CFHR4: variants seen among roughly 807,000 people sequenced by gnomAD.
CFHR4 encodes complement factor H-related protein 4.
Under a neutral mutation model 69.3 loss-of-function variants are expected in CFHR4, and 64 were observed. The observed-to-expected ratio is 0.92, with a 90% CI of 0.76 to 1.14. The LOEUF is 1.14. Among genes scored for constraint, CFHR4 ranks in the 50% most tolerant of loss-of-function variants. CFHR4 has a pLI of 0.00. For synonymous variants in CFHR4, 244 were observed against 237.0 expected, an observed-to-expected ratio of 1.03 and a Z score of -0.27; for missense variants, 636 against 684.9, an observed-to-expected ratio of 0.93 and a Z score of 0.80.
intron 9 of CFHR4, among the ~76,000 whole-genome samples, chr1:196,915,505 T>C (rs1366314776): frequency 6.6e-6 from 1 of 151,178 alleles, no homozygotes; most frequent in Non-Finnish European, 1.5e-5. Flanking sequence ...CATGCTGGCA[T>C]ATGCCTGTAA....
intron 1 of CFHR4, among the ~76,000 whole-genome samples, chr1:196,895,631 C>T (rs1030015466): frequency 6.6e-6 from 1 of 151,024 alleles, no homozygotes; most frequent in Non-Finnish European, 1.5e-5. Context: ...GCTTTCTATC[C>T]CTTTATTCAT....
intron 1 of CFHR4, among the ~76,000 whole-genome samples, chr1:196,898,472 A>G (rs1295001226): frequency 6.6e-6 from 1 of 151,636 alleles, no homozygotes; most frequent in South Asian, 2.1e-4. Flanking sequence ...TAAAACAATT[A>G]TTGTAAACTA....
Position 196,914,493 on chromosome 1 carries a change from A to T in CFHR4, c.1181-2A>T, listed in dbSNP as rs1331166856. 1.2e-6 allele frequency: 2 copies of T among 1,604,848 alleles called. No homozygotes were observed. Among genetic ancestry groups the T allele is most frequent in the Admixed American group, 1.7e-5 (1 of 58,808 alleles). On this transcript the variant is annotated splice_acceptor_variant, in intron 7 of 9. Transcript: ENST00000608469. LOFTEE classifies it high-confidence loss of function. The stretch of plus-strand genomic sequence containing the variant: ...GCAATCCTCAATTTTATTTTGTTTC[A>T]GAATTTTGTGATATGCCTGTTTTTG...
At chr1:196,902,643 T>C (rs1657689821) in intron 2 of CFHR4, 28 bp downstream of exon 2, 1 of 1,498,238 alleles carries the variant, frequency 6.7e-7, no homozygotes, top group Non-Finnish European at 9.3e-7. Flanking sequence ...CAAGAATATG[T>C]GCATAAAACT....
rs1033017094 is a variant in CFHR4 at position 196,902,611 on chromosome 1, C to T, written c.252C>T (p.Cys84=). 16 of 1,605,074 alleles carry T rather than the reference C, an allele frequency of 1.0e-5. No homozygotes were observed. Among genetic ancestry groups the T allele is most frequent in the Non-Finnish European group, 1.4e-5 (16 of 1,173,284 alleles). The part of the protein sequence containing the change: ...TQDGWSPTVP[C]LRTCSKSDVE... Reference sequence around the variant, plus strand: ...ATGGTTGGTCACCAACGGTCCCATGCCTCAGTAAGTAAACCTCTTTACAAG... The same window carrying T: ...ATGGTTGGTCACCAACGGTCCCATGTCTCAGTAAGTAAACCTCTTTACAAG... Residue 84 remains cysteine, a synonymous_variant, in exon 2 of 10, where the codon TGC becomes TGT. Transcript: ENST00000608469.
At chr1:196,913,871 C>T (rs1180819749) in intron 7 of CFHR4, among the ~76,000 whole-genome samples, 1 of 151,298 alleles carries the variant, frequency 6.6e-6, no homozygotes, top group Admixed American at 6.6e-5. Flanking sequence ...TCAATGTTAC[C>T]ATGAGTTTTG....
chr1:196,907,205 G>C, intron 4 of CFHR4, 111 bp from the exon 5 acceptor site: 1 of 1,217,046 alleles, frequency 8.2e-7, no homozygotes, highest in Non-Finnish European at 1.2e-6. Flanking sequence ...AAATACAAAT[G>C]TCTTCCTAAG....
intron 9 of CFHR4, among the ~76,000 whole-genome samples, chr1:196,916,288 A>C (rs1354492188): frequency 6.6e-6 from 1 of 151,722 alleles, no homozygotes; most frequent in Non-Finnish European, 1.5e-5. Context: ...TATGAGGTAG[A>C]GCCCTGGGAT....
chr1:196,905,045 T>C (rs765887268), intron 2 of CFHR4, 63 bp from the exon 3 acceptor site: 1 of 1,376,894 alleles, frequency 7.3e-7, no homozygotes, highest in Non-Finnish European at 9.9e-7. Context: ...TTTTTACTTG[T>C]TCCCTTCTAT....
intron 1 of CFHR4, among the ~76,000 whole-genome samples, chr1:196,894,662 G>A (rs1413343111): frequency 6.6e-6 from 1 of 151,386 alleles, no homozygotes; most frequent in Non-Finnish European, 1.5e-5. Context: ...CTTCTGATGA[G>A]AAATCTGCTA....
At chr1:196,904,848 T>A (rs1657822169) in intron 2 of CFHR4, among the ~76,000 whole-genome samples, 1 of 151,614 alleles carries the variant, frequency 6.6e-6, no homozygotes, top group Admixed American at 6.6e-5. Flanking sequence ...ATTGAGAGTC[T>A]GCTAGATCTG....
In CFHR4 at chr1:196,907,000, T is replaced by C; in HGVS notation, c.579T>C (p.Cys193=). Residue 193 remains cysteine, a synonymous_variant, in exon 4 of 10, where the codon TGT becomes TGC. Transcript: ENST00000608469. The part of the protein sequence containing the change: ...SYGNTTDSIV[C]GEDGWSHLPT... ...GAAACACCACAGATTCCATAGTGTG[T>C]GGTGAAGATGGCTGGTCCCATTTGC... is the stretch of plus-strand genomic sequence containing the variant. 1 of 1,612,172 alleles carries C rather than the reference T, an allele frequency of 6.2e-7. No individual in the cohort carries two copies. The highest frequency in any genetic ancestry group is 8.5e-7 in the Non-Finnish European group (1 of 1,179,384).
chr1:196,917,159 A>G lies in CFHR4; in HGVS notation c.1541-1051A>G, dbSNP rs148527491. On this transcript the variant is annotated intron_variant, in intron 9 of 9. Coordinates refer to ENST00000608469, the MANE Select transcript of CFHR4 (RefSeq NM_001201550.3). Reference sequence around the variant, plus strand: ...AAGTACTTGAAAGATGTATTAAAATATGATTGGGGAAATTTCTAAAGAAAT... The same window carrying G: ...AAGTACTTGAAAGATGTATTAAAATGTGATTGGGGAAATTTCTAAAGAAAT... 7.7e-3 allele frequency among the ~76,000 whole-genome samples: 1,093 copies of G among 141,416 alleles called. 11 individuals carry two copies. In the East Asian group the frequency reaches 0.088, roughly 11 times the overall value. The allele number at this position is 141,416 out of a possible 152,430, so 92.8% of individuals were successfully genotyped here.
chr1:196,907,986 T>C (rs1352627032), intron 5 of CFHR4, among the ~76,000 whole-genome samples: 4 of 151,144 alleles, frequency 2.6e-5, no homozygotes. Context: ...TAAAAATGGA[T>C]ACGTTCATGT....
rs1233334899 is a variant in CFHR4, at chr1:196,888,941, T to C, written c.58+733T>C. Among the ~76,000 whole-genome samples the C allele has an allele frequency of 4.6e-5, 7 of 151,054 alleles. No individual in the cohort carries two copies. In the South Asian group the frequency reaches 1.0e-3, roughly 22 times the overall value. Reference sequence around the variant, plus strand: ...CTCCTCGATAGTCATGTATTTTCTATATTAACTATCTCTTTGAATGCAGGC... The same window carrying C: ...CTCCTCGATAGTCATGTATTTTCTACATTAACTATCTCTTTGAATGCAGGC... On this transcript the variant is annotated intron_variant, in intron 1 of 9. Coordinates refer to ENST00000608469, the MANE Select transcript of CFHR4 (RefSeq NM_001201550.3).
chr1:196,917,658 GTGTATGTATGTA>G (rs112489050), intron 9 of CFHR4, among the ~76,000 whole-genome samples: 1 of 150,510 alleles, frequency 6.6e-6, no homozygotes, highest in Non-Finnish European at 1.5e-5. Flanking sequence ...AGATATTGAG[GTGTATGTATGTA>G]TGTATGTATG....
intron 6 of CFHR4, among the ~76,000 whole-genome samples, chr1:196,911,147 T>C (rs1186554985): frequency 6.6e-6 from 1 of 151,614 alleles, no homozygotes; most frequent in African/African-American, 2.4e-5. Flanking sequence ...CACCTTTAAC[T>C]GGAAAATTTT....
At chr1:196,895,593 T>C (rs1657253292) in intron 1 of CFHR4, among the ~76,000 whole-genome samples, 1 of 151,562 alleles carries the variant, frequency 6.6e-6, no homozygotes, top group Non-Finnish European at 1.5e-5. Context: ...TATTGTACTT[T>C]CAGAATTTCT....
At chr1:196,912,619 G>T in intron 6 of CFHR4, 121 bp from the exon 7 acceptor site, 5 of 1,182,972 alleles carry the variant, frequency 4.2e-6, no homozygotes, top group Non-Finnish European at 5.6e-6. Flanking sequence ...CAGTTTTGCT[G>T]TTTTCAATTC....
Sources: allele counts gnomAD v4.1 joint callset (sites outside exome capture counted in the v4.1 genomes callset), GRCh38; gene constraint gnomAD v4.1.1; transcripts MANE v1.5; gene names NCBI Gene and HGNC (gene_info 2026-07-23, HGNC 2026-07-21).